VPS13C: variants seen among roughly 807,000 people sequenced by gnomAD.
VPS13C encodes intermembrane lipid transfer protein VPS13C.
Under a neutral mutation model 456.8 loss-of-function variants are expected in VPS13C, and 358 were observed. The ratio of observed to expected loss-of-function variants is 0.78; its 90% confidence interval spans 0.72 to 0.86. The LOEUF is 0.86. Ranked by LOEUF, VPS13C falls within the 40% of genes least tolerant of loss-of-function variation. VPS13C has a pLI of 0.00. For missense variants in VPS13C, 4,818 were observed against 4,385.4 expected (o/e 1.10, Z -2.79); for synonymous variants, 1,578 against 1,486.7 (o/e 1.06, Z -1.41).
At position 61,954,679 on chromosome 15, in the gene VPS13C, G is replaced by A. The variant is rs916194438; in HGVS notation, c.4166-125C>T. The A allele has an allele frequency of 5.2e-5, 48 of 924,712 alleles. No homozygotes were observed. In the East Asian group the frequency reaches 5.9e-4, roughly 11 times the overall value. 57.3% of individuals were successfully genotyped at this position (924,712 alleles called of 1,614,324 possible). ...TGAAAATCCACGAATTAGTAACAGC[G>A]CTAGCCCTTGGAAAACTCATGGTTT... On this transcript the variant is annotated intron_variant, in intron 37 of 84. Transcript: ENST00000644861.
chr15:62,030,122 G>T (rs948744980), intron 5 of VPS13C, among the ~76,000 whole-genome samples: 2 of 151,970 alleles, frequency 1.3e-5, no homozygotes, highest in Non-Finnish European at 2.9e-5. Flanking sequence ...TTACACGATT[G>T]GAAAATACTA....
intron 75 of VPS13C, 103 bp downstream of exon 75, chr15:61,876,870 G>T: frequency 1.3e-6 from 1 of 760,420 alleles, no homozygotes; most frequent in Non-Finnish European, 2.0e-6. Flanking sequence ...ATTTCAAAGT[G>T]AGATAAATTA....
At chr15:61,955,557 G>A (rs768191834) in intron 37 of VPS13C, among the ~76,000 whole-genome samples, 3 of 152,122 alleles carry the variant, frequency 2.0e-5, no homozygotes, top group Non-Finnish European at 2.9e-5. Context: ...ATTGCATAGC[G>A]CAAGGTTTCC....
At chr15:61,917,669 T>C (rs2043516223) in intron 59 of VPS13C, 34 bp from the exon 60 acceptor site, 3 of 1,589,562 alleles carry the variant, frequency 1.9e-6, no homozygotes, top group East Asian at 2.2e-5. Flanking sequence ...AATAAAGTTT[T>C]GATCCACAAC....
intron 64 of VPS13C, among the ~76,000 whole-genome samples, 198 bp downstream of exon 64, chr15:61,909,979 G>A (rs1373961959): frequency 1.6e-5 from 2 of 122,530 alleles, no homozygotes; most frequent in Non-Finnish European, 3.3e-5. Flanking sequence ...GCCTGTTGTG[G>A]GGTGGGGGGA....
At chr15:61,932,704 G>A (rs2044102241) in intron 49 of VPS13C, among the ~76,000 whole-genome samples, 1 of 152,056 alleles carries the variant, frequency 6.6e-6, no homozygotes, top group South Asian at 2.1e-4. Context: ...TGATGCAATT[G>A]GGTCAGAATG....
rs1893907722 is a variant in VPS13C, at chr15:61,856,414, T to G, written c.10953-5A>C. On this transcript the variant is annotated splice_region_variant and splice_polypyrimidine_tract_variant and intron_variant, in intron 82 of 84. Coordinates refer to ENST00000644861, the MANE Select transcript of VPS13C (RefSeq NM_020821.3). Reference sequence around the variant, plus strand: ...TCCTTTATACACAACACTCGCCTATTTTGCAAAAGAAAACAAAAACTTACA... The same window carrying G: ...TCCTTTATACACAACACTCGCCTATGTTGCAAAAGAAAACAAAAACTTACA... The G allele has an allele frequency of 1.9e-6, 3 of 1,609,512 alleles. No homozygotes were observed. The highest frequency in any genetic ancestry group is 2.2e-5 in the South Asian group (2 of 89,880).
chr15:62,026,359 T>C (rs1052821424), intron 6 of VPS13C, among the ~76,000 whole-genome samples: 3 of 152,044 alleles, frequency 2.0e-5, no homozygotes, highest in Non-Finnish European at 2.9e-5. Flanking sequence ...AAATGTCAAG[T>C]CATTTCATTA....
chr15:62,050,577 C>T (rs1315329046), intron 1 of VPS13C, among the ~76,000 whole-genome samples: 2 of 152,178 alleles, frequency 1.3e-5, no homozygotes, highest in Admixed American at 1.3e-4. Flanking sequence ...GCGATTGGAT[C>T]ACTTGAGCCC....
chr15:61,868,050 G>T, intron 81 of VPS13C: 3 of 790,780 alleles, frequency 3.8e-6, no homozygotes, highest in Non-Finnish European at 6.2e-6. Context: ...CAATTAAGAG[G>T]CATTTTATTT....
At position 61,950,208 on chromosome 15, in the gene VPS13C, G is replaced by T. The variant is rs143066654; in HGVS notation, c.4596+150C>A. The T allele has an allele frequency of 8.4e-4, 538 of 638,672 alleles. 1 individual carries two copies. In the African/African-American group the frequency reaches 8.8e-3, roughly 10 times the overall value. The allele number at this position is 638,672 out of a possible 1,614,324, so 39.6% of individuals were successfully genotyped here. On this transcript the variant is annotated intron_variant, in intron 41 of 84. Coordinates refer to ENST00000644861, the MANE Select transcript of VPS13C (RefSeq NM_020821.3). ...TTGTAAGAACTTTATTCCAATTCTA[G>T]TATCTACTTAACTTTATCCATAAAT... is the stretch of plus-strand genomic sequence containing the variant.
intron 38 of VPS13C, among the ~76,000 whole-genome samples, chr15:61,953,964 C>G (rs2044894907): frequency 1.3e-5 from 2 of 152,098 alleles, no homozygotes; most frequent in South Asian, 4.1e-4. Flanking sequence ...TGGGCATATA[C>G]AATAAATATT....
chr15:61,993,458 C>T (rs976874464), intron 16 of VPS13C, among the ~76,000 whole-genome samples: 6 of 151,904 alleles, frequency 3.9e-5, no homozygotes, highest in Admixed American at 2.6e-4. Flanking sequence ...GATAGTATGG[C>T]GACAAACCCC....
At position 61,854,276 on chromosome 15, in the gene VPS13C, G is replaced by T; in HGVS notation, c.*181C>A. On this transcript the variant is annotated 3_prime_UTR_variant, in exon 85 of 85. Transcript: ENST00000644861. ...GAAGTGGACTGCTAGCATATACATG[G>T]TTACAAAATTAGAGTAAAAACTAAA... is the stretch of plus-strand genomic sequence containing the variant. 1.6e-6 allele frequency: 1 copy of T among 629,376 alleles called. No individual in the cohort carries two copies. The highest frequency in any genetic ancestry group is 2.7e-5 in the East Asian group (1 of 36,596). The allele number at this position is 629,376 out of a possible 1,614,324, so 39.0% of individuals were successfully genotyped here.
At chr15:61,916,159 A>G (rs2043466577) in intron 60 of VPS13C, 137 bp from the exon 61 acceptor site, 1 of 1,023,868 alleles carries the variant, frequency 9.8e-7, no homozygotes, top group South Asian at 1.8e-5. Flanking sequence ...ATGCTTACAT[A>G]TTACAAATGT....
intron 83 of VPS13C, among the ~76,000 whole-genome samples, chr15:61,855,215 C>T (rs545935701): frequency 6.6e-6 from 1 of 152,160 alleles, no homozygotes. Context: ...TGATAAATAG[C>T]CTACAGAAAC....
Position 61,911,820 on chromosome 15 carries a change from G to T in VPS13C, c.8715+20C>A, listed in dbSNP as rs772629012. 3.8e-6 allele frequency: 6 copies of T among 1,565,914 alleles called. No individual in the cohort carries two copies. The highest frequency in any genetic ancestry group is 3.6e-5 in the Admixed American group (2 of 55,452). Reference sequence around the variant, plus strand: ...TATTTGTATATTTTAGGAATCAGTTGTAACAAAGAAAAATGCTACCTCTGA... The same window carrying T: ...TATTTGTATATTTTAGGAATCAGTTTTAACAAAGAAAAATGCTACCTCTGA... On this transcript the variant is annotated intron_variant, in intron 63 of 84. Coordinates refer to ENST00000644861, the MANE Select transcript of VPS13C (RefSeq NM_020821.3).
At position 61,972,740 on chromosome 15, in the gene VPS13C, G is replaced by T; in HGVS notation, c.2642C>A (p.Ala881Asp). The T allele has an allele frequency of 6.2e-7, 1 of 1,611,586 alleles. No individual in the cohort carries two copies. Among genetic ancestry groups the T allele is most frequent in the Middle Eastern group, 1.7e-4 (1 of 6,036 alleles). ...ACAAGTCTGTGGTTCTCCATCTTCA[G>T]CATCAAAATACTCATCATCAGACTC... The part of the protein sequence containing the change: ...ESESDDEYFD[A>D]EDGEPQTCKS... The change falls in exon 27 of 85, where the codon GCT becomes GAT. Residue 881 changes from alanine to aspartate, a missense_variant. Physicochemically the swap from Ala to Asp is moderately radical, Grantham distance 126. Coordinates refer to ENST00000644861, the MANE Select transcript of VPS13C (RefSeq NM_020821.3).
At chr15:61,874,501 GAAGTTACATTGTTTATATAAACA>G (rs1895269283) in intron 77 of VPS13C, among the ~76,000 whole-genome samples, 1 of 151,934 alleles carries the variant, frequency 6.6e-6, no homozygotes, top group African/African-American at 2.4e-5. Context: ...AAGGCTCAGA[GAAGTTACATTGTTTATATAAACA>G]GCATTATCAC....
Sources: gnomAD v4.1 joint callset for allele counts (sites outside exome capture counted in the v4.1 genomes callset) on GRCh38, gnomAD v4.1.1 for gene constraint, MANE v1.5 for transcripts, NCBI Gene and HGNC (gene_info 2026-07-23, HGNC 2026-07-21) for gene names.